RSRC1: variants seen among roughly 807,000 people sequenced by gnomAD.
The protein encoded by RSRC1 is serine/Arginine-related protein 53.
RSRC1 carries 39 observed loss-of-function variants against 49.1 expected under a neutral mutation model. The observed-to-expected ratio is 0.79, with a 90% CI of 0.61 to 1.04. The LOEUF (loss-of-function observed/expected upper bound fraction) is 1.04, where lower values mean the gene tolerates loss of function less well. Ranked by LOEUF, RSRC1 falls within the 50% of genes least tolerant of loss-of-function variation. The pLI, the probability that RSRC1 is intolerant of heterozygous loss-of-function variation, is 0.00. For synonymous variants in RSRC1, 143 were observed against 130.8 expected (o/e 1.09, Z -0.63); for missense variants, 388 against 402.4 (o/e 0.96, Z 0.31).
At chr3:158,188,831 T>G (rs913937217) in intron 3 of RSRC1, among the ~76,000 whole-genome samples, 1 of 151,952 alleles carries the variant, frequency 6.6e-6, no homozygotes, top group African/African-American at 2.4e-5. Flanking sequence ...ATTTTTTGCT[T>G]CTTTTCTCTT....
intron 7 of RSRC1, among the ~76,000 whole-genome samples, chr3:158,474,892 A>C (rs1187269412): frequency 6.6e-6 from 1 of 151,588 alleles, no homozygotes; most frequent in African/African-American, 2.4e-5. Context: ...CTTTCATAGC[A>C]CTTATCACAG....
chr3:158,431,523 C>T (rs1037609061), intron 6 of RSRC1, among the ~76,000 whole-genome samples: 1 of 151,744 alleles, frequency 6.6e-6, no homozygotes, highest in Non-Finnish European at 1.5e-5. Context: ...CAATACACTG[C>T]TTATAATGAA....
chr3:158,246,775 T>C (rs1723925285), intron 4 of RSRC1, among the ~76,000 whole-genome samples: 1 of 152,216 alleles, frequency 6.6e-6, no homozygotes, highest in Non-Finnish European at 1.5e-5. Context: ...GGCTTCCCTT[T>C]GTAGATGAAC....
chr3:158,267,903 C>G (rs1429866429), intron 4 of RSRC1, among the ~76,000 whole-genome samples: 12 of 138,882 alleles, frequency 8.6e-5, no homozygotes, highest in Non-Finnish European at 1.4e-4. Context: ...TATAGCCACT[C>G]TGGATTCAGC....
chr3:158,176,517 C>T (rs1384348969), intron 3 of RSRC1, among the ~76,000 whole-genome samples: 3 of 152,128 alleles, frequency 2.0e-5, no homozygotes, highest in South Asian at 2.1e-4. Context: ...ACCATCTGAT[C>T]GTTGACAAGC....
intron 6 of RSRC1, among the ~76,000 whole-genome samples, chr3:158,388,852 G>A (rs548918638): frequency 9.9e-5 from 15 of 151,992 alleles, no homozygotes; most frequent in African/African-American, 2.4e-4. Context: ...CTCATGATCC[G>A]CCCGCCTCGG....
chr3:158,423,093 T>C, intron 6 of RSRC1, among the ~76,000 whole-genome samples: 1 of 152,082 alleles, frequency 6.6e-6, no homozygotes, highest in South Asian at 2.1e-4. Context: ...AGATCCCATT[T>C]GTCAATTTTG....
intron 7 of RSRC1, among the ~76,000 whole-genome samples, chr3:158,527,148 C>T (rs1475392000): frequency 3.4e-5 from 5 of 148,380 alleles, no homozygotes; most frequent in Admixed American, 6.8e-5. Flanking sequence ...AATATACTCC[C>T]AGCCCCATGG....
chr3:158,501,536 G>T (rs1466078683), intron 7 of RSRC1, among the ~76,000 whole-genome samples: 3 of 152,082 alleles, frequency 2.0e-5, no homozygotes, highest in African/African-American at 7.2e-5. Context: ...AAATTTGGGA[G>T]CTCCAGTTTT....
chr3:158,215,344 G>T, intron 4 of RSRC1, among the ~76,000 whole-genome samples: 1 of 141,460 alleles, frequency 7.1e-6, no homozygotes. Context: ...GTTTTGCTGT[G>T]TTGCCCAGGC....
intron 3 of RSRC1, among the ~76,000 whole-genome samples, chr3:158,148,527 C>T (rs529934229): frequency 1.3e-5 from 2 of 152,046 alleles, no homozygotes; most frequent in African/African-American, 4.8e-5. Flanking sequence ...ATTTTGACTT[C>T]TCTCTGGGCT....
At chr3:158,119,493 A>G (rs1715100360) in intron 1 of RSRC1, among the ~76,000 whole-genome samples, 1 of 152,152 alleles carries the variant, frequency 6.6e-6, no homozygotes. Flanking sequence ...TTAAATGGTT[A>G]TTTGTTTGTG....
intron 4 of RSRC1, among the ~76,000 whole-genome samples, chr3:158,275,434 A>G (rs528384221): frequency 1.3e-5 from 2 of 152,342 alleles, no homozygotes; most frequent in African/African-American, 4.8e-5. Context: ...AGCTACTTGA[A>G]AGTAAACCAG....
At chr3:158,338,800 G>A (rs1730060348) in intron 5 of RSRC1, among the ~76,000 whole-genome samples, 1 of 152,088 alleles carries the variant, frequency 6.6e-6, no homozygotes, top group African/African-American at 2.4e-5. Context: ...TAGATGTTGT[G>A]AGCTGAATTA....
At chr3:158,326,015 A>G (rs1255775128) in intron 5 of RSRC1, among the ~76,000 whole-genome samples, 1 of 152,116 alleles carries the variant, frequency 6.6e-6, no homozygotes, top group East Asian at 1.9e-4. Context: ...TTCACTCATG[A>G]TTTGGCTCTC....
chr3:158,478,947 G>GAAAAA (rs1491197957), intron 7 of RSRC1, among the ~76,000 whole-genome samples: 1 of 44,784 alleles, frequency 2.2e-5, no homozygotes, highest in African/African-American at 8.7e-5. Flanking sequence ...AGGAGAAAAA[G>GAAAAA]CAAAAAAAAA....
At chr3:158,329,539 CT>C (rs1407745092) in intron 5 of RSRC1, among the ~76,000 whole-genome samples, 54 of 152,338 alleles carry the variant, frequency 3.5e-4, no homozygotes, top group African/African-American at 1.3e-3. Flanking sequence ...GCAGCAGAGG[CT>C]GCAGAACAGC....
Position 158,411,085 on chromosome 3 carries a change from T to C in RSRC1, c.584-49850T>C, listed in dbSNP as rs558943406. Among the ~76,000 whole-genome samples, 7 of 152,274 alleles carry C rather than the reference T, an allele frequency of 4.6e-5. No homozygotes were observed. The South Asian group carries it at 1.2e-3, about 27-fold the overall frequency. On this transcript the variant is annotated intron_variant, in intron 6 of 9. Transcript: ENST00000611884. ...ATTCTCTGGGTGTTCTGTTTCTCAG[T>C]GTTGTTCTTAAGATTCATCTATGTG... is the stretch of plus-strand genomic sequence containing the variant.
intron 4 of RSRC1, among the ~76,000 whole-genome samples, chr3:158,224,016 G>A (rs1722376069): frequency 6.6e-6 from 1 of 151,716 alleles, no homozygotes. Context: ...ACTTATCACA[G>A]TGTGTAATCA....
Sources: allele counts gnomAD v4.1 joint callset (sites outside exome capture counted in the v4.1 genomes callset), GRCh38; gene constraint gnomAD v4.1.1; transcripts MANE v1.5; gene names NCBI Gene and HGNC (gene_info 2026-07-23, HGNC 2026-07-21).